DBNDD2: variants seen among roughly 807,000 people sequenced by gnomAD.
DBNDD2 encodes the protein dysbindin domain containing 2, also known as dysbindin domain-containing protein 2.
Under a neutral mutation model 14.0 loss-of-function variants are expected in DBNDD2, and 8 were observed. That is an observed-to-expected ratio of 0.57 (90% confidence interval 0.33 to 1.03). The LOEUF (loss-of-function observed/expected upper bound fraction) is 1.03. Among genes scored for constraint, DBNDD2 ranks in the 50% least tolerant of loss-of-function variants. DBNDD2 has a pLI of 0.03. For synonymous variants in DBNDD2, 94 were observed against 85.3 expected, an observed-to-expected ratio of 1.10 and a Z score of -0.56; for missense variants, 194 against 206.0, an observed-to-expected ratio of 0.94 and a Z score of 0.36.
chr20:45,407,496 C>T (rs1171193556), upstream of DBNDD2: 1 of 985,814 alleles, frequency 1.0e-6, no homozygotes, highest in East Asian at 1.1e-4. Flanking sequence ...AGCAGAACGC[C>T]GGGAAGGAGA....
chr20:45,409,147 G>T, intron 2 of DBNDD2: 1 of 764,170 alleles, frequency 1.3e-6, no homozygotes, highest in Non-Finnish European at 2.0e-6. Context: ...CAAAATTCTG[G>T]GAACGGTCAA....
upstream of DBNDD2, chr20:45,407,864 G>A: frequency 5.2e-6 from 6 of 1,159,398 alleles, no homozygotes; most frequent in South Asian, 2.1e-4. Flanking sequence ...CTGGAAGTCA[G>A]GCCTGTGACT....
chr20:45,410,006 T>G lies in DBNDD2; in HGVS notation c.352T>G (p.Ser118Ala). The G allele has an allele frequency of 6.4e-7, 1 of 1,551,844 alleles. No individual in the cohort carries two copies. The highest frequency in any genetic ancestry group is 1.2e-5 in the South Asian group (1 of 84,048). The change falls in exon 3 of 3, where the codon TCC becomes GCC. Residue 118 changes from serine to alanine, a missense_variant. Coordinates refer to ENST00000372710, the MANE Select transcript of DBNDD2 (RefSeq NM_001048225.4). ...CAGGACCACATCTAGGACCTCCTCC[T>G]CCTCCTCCTCCGACTCCTCCACCAA... is the stretch of plus-strand genomic sequence containing the variant. ...SDRTTSRTSS[S>A]SSSDSSTNLH... is the part of the protein sequence containing the mutation.
chr20:45,406,374 C>A, upstream of DBNDD2: 2 of 1,358,478 alleles, frequency 1.5e-6, no homozygotes, highest in Non-Finnish European at 2.0e-6. Flanking sequence ...CAAGTGCATC[C>A]GAGCGAGCGG....
chr20:45,406,357 G>A (rs1032306865), upstream of DBNDD2: 289 of 1,205,818 alleles, frequency 2.4e-4, 1 homozygote, highest in Non-Finnish European at 4.6e-5. Flanking sequence ...GCGGGGCGGG[G>A]GCGCAGCAAG....
chr20:45,410,151 C>A lies in DBNDD2; in HGVS notation c.*11C>A. On this transcript the variant is annotated 3_prime_UTR_variant, in exon 3 of 3. Coordinates refer to ENST00000372710, the MANE Select transcript of DBNDD2 (RefSeq NM_001048225.4). ...GGAGCCTGCAGCTAGCAGTGGGCCC[C>A]TGCCTACAGACTGACCACGCTGGCT... 1.9e-6 allele frequency: 3 copies of A among 1,551,592 alleles called. No individual in the cohort carries two copies. Among genetic ancestry groups the A allele is most frequent in the Non-Finnish European group, 2.6e-6 (3 of 1,146,996 alleles).
At position 45,410,147 on chromosome 20, in the gene DBNDD2, GC is replaced by G. The variant is rs1200174842; in HGVS notation, c.*11del. 8.4e-6 allele frequency: 13 copies of G among 1,551,618 alleles called. No individual in the cohort carries two copies. The African/African-American group carries it at 1.6e-4, about 20-fold the overall frequency. On this transcript the variant is annotated 3_prime_UTR_variant, in exon 3 of 3. Coordinates refer to ENST00000372710, the MANE Select transcript of DBNDD2 (RefSeq NM_001048225.4). ...GCCTGGAGCCTGCAGCTAGCAGTGG[GC>G]CCCTGCCTACAGACTGACCACGCTG...
upstream of DBNDD2, chr20:45,406,521 C>G (rs1019509659): frequency 6.6e-7 from 1 of 1,520,620 alleles, no homozygotes; most frequent in Non-Finnish European, 8.8e-7. Flanking sequence ...TGCCTCCGAC[C>G]GCCGGGCGAG....
In DBNDD2 at chr20:45,410,429, A is replaced by G; in HGVS notation, c.*289A>G. The G allele has an allele frequency of 2.3e-6, 1 of 431,516 alleles. No individual in the cohort carries two copies. Among genetic ancestry groups the G allele is most frequent in the Non-Finnish European group, 4.3e-6 (1 of 231,686 alleles). The allele number at this position is 431,516 out of a possible 1,614,324, so 26.7% of individuals were successfully genotyped here. A position where few individuals can be genotyped will look rare whatever the true frequency, so the allele number is the denominator to read the frequency against. ...ACAAGATGCCACTGCTTTTCTTAGC[A>G]CTCTTCCCTCCCCTAAACCATCCCG... On this transcript the variant is annotated 3_prime_UTR_variant, in exon 3 of 3. Transcript: ENST00000372710.
At chr20:45,408,170 T>C (rs1056785966), upstream of DBNDD2, 13 of 1,547,538 alleles carry the variant, frequency 8.4e-6, no homozygotes, top group Middle Eastern at 3.3e-4. Flanking sequence ...ATATGGAGAG[T>C]TGGGCATTGG....
upstream of DBNDD2, chr20:45,406,646 C>G: frequency 1.5e-6 from 2 of 1,356,258 alleles, no homozygotes; most frequent in South Asian, 1.9e-5. Flanking sequence ...CGCAGCCCCA[C>G]CCCGGCCGGC....
chr20:45,408,482 T>C lies in DBNDD2; in HGVS notation c.15T>C (p.Pro5=). 1 of 1,614,260 alleles carries C rather than the reference T, an allele frequency of 6.2e-7. No individual in the cohort carries two copies. The highest frequency in any genetic ancestry group is 8.5e-7 in the Non-Finnish European group (1 of 1,180,048). Residue 5 remains proline (P), a synonymous_variant, in exon 1 of 3, where the codon CCT becomes CCC. Transcript: ENST00000372710. MDPN[P]RAALERQQLR... is the part of the protein sequence containing the mutation. ...CAGGAGCTGACATGGACCCAAATCC[T>C]CGGGCCGCCCTGGAGCGCCAGCAGC...
upstream of DBNDD2, chr20:45,407,961 C>A: frequency 7.1e-7 from 1 of 1,400,656 alleles, no homozygotes; most frequent in Non-Finnish European, 9.3e-7. Context: ...GGAGGAGTTG[C>A]TTTAGCCTTT....
upstream of DBNDD2, among the ~76,000 whole-genome samples, chr20:45,406,993 T>A: frequency 6.6e-6 from 1 of 152,000 alleles, no homozygotes; most frequent in East Asian, 1.9e-4. Context: ...TTCCAGTACC[T>A]ATAGGTCGCG....
upstream of DBNDD2, chr20:45,406,310 T>G: frequency 2.9e-6 from 2 of 689,328 alleles, no homozygotes; most frequent in South Asian, 2.1e-5. Context: ...CAAGTGTGCG[T>G]GGGCAGAACC....
upstream of DBNDD2, chr20:45,407,869 G>C (rs1212945344): frequency 3.2e-5 from 37 of 1,167,300 alleles, no homozygotes; most frequent in Non-Finnish European, 3.9e-5. Context: ...AGTCAGGCCT[G>C]TGACTTCAGA....
chr20:45,408,607 G>GT lies in DBNDD2; in HGVS notation c.139+2dup, dbSNP rs1378054351. 3.7e-6 allele frequency: 6 copies of GT among 1,612,336 alleles called. No individual in the cohort carries two copies. Among genetic ancestry groups the GT allele is most frequent in the East Asian group, 2.2e-5 (1 of 44,854 alleles). On this transcript the variant is annotated splice_donor_variant, in intron 1 of 2. Coordinates refer to ENST00000372710, the MANE Select transcript of DBNDD2 (RefSeq NM_001048225.4). LOFTEE classifies it high-confidence loss of function. ...CATCTGCATCTCGAGTCGCAGAGAC[G>GT]TAAGTCCCAAGTCCTGAGAAGAGGG...
chr20:45,409,785 T>G, intron 2 of DBNDD2, 147 bp from the exon 3 acceptor site: 1 of 767,428 alleles, frequency 1.3e-6, no homozygotes, highest in Non-Finnish European at 2.1e-6. Context: ...GAGATGGTGA[T>G]CTTAATCCTG....
upstream of DBNDD2, chr20:45,407,899 G>A: frequency 8.0e-7 from 1 of 1,254,606 alleles, no homozygotes; most frequent in East Asian, 3.2e-5. Flanking sequence ...TGGGGTAGAT[G>A]GCACATGCGT....
Sources: gnomAD v4.1 joint callset for allele counts (sites outside exome capture counted in the v4.1 genomes callset) on GRCh38, gnomAD v4.1.1 for gene constraint, MANE v1.5 for transcripts, NCBI Gene and HGNC (gene_info 2026-07-23, HGNC 2026-07-21) for gene names.